The following EEF1AKMT2 variants were observed in gnomAD, a reference collection of about 807,000 sequenced individuals.
The protein encoded by EEF1AKMT2 is eukaryotic translation elongation factor 1 alpha lysine methyltransferase 2.
Under a neutral mutation model 35.8 loss-of-function variants are expected in EEF1AKMT2, and 32 were observed. The observed-to-expected ratio is 0.89, with a 90% confidence interval of 0.67 to 1.20. EEF1AKMT2 has a LOEUF of 1.20. Ranked by LOEUF, EEF1AKMT2 falls within the 50% of genes most tolerant of loss-of-function variation. EEF1AKMT2 has a pLI of 0.00. For missense variants in EEF1AKMT2, 330 were observed against 347.5 expected (o/e 0.95, Z 0.40); for synonymous variants, 121 against 133.7 (o/e 0.91, Z 0.65).
intron 3 of EEF1AKMT2, among the ~76,000 whole-genome samples, chr10:124,787,027 A>T (rs990082640): frequency 1.9e-4 from 28 of 151,330 alleles, no homozygotes; most frequent in African/African-American, 6.5e-4. Context: ...CTCACTGCAA[A>T]CTCCACCTCC....
At chr10:124,785,522 G>A (rs1037792052) in intron 3 of EEF1AKMT2, among the ~76,000 whole-genome samples, 3 of 152,088 alleles carry the variant, frequency 2.0e-5, no homozygotes, top group Non-Finnish European at 2.9e-5. Context: ...TCCAGAATAC[G>A]TTAAAAATTG....
Position 124,774,691 on chromosome 10 carries a change from G to A in EEF1AKMT2, c.383C>T (p.Ser128Phe), listed in dbSNP as rs1178550766. Residue 128 changes from serine (S) to phenylalanine (F), a missense_variant, in exon 4 of 7, where the codon TCT becomes TTT. By Grantham distance (155) the Ser-to-Phe change is radical. Coordinates refer to ENST00000368836, the MANE Select transcript of EEF1AKMT2 (RefSeq NM_212554.4). The part of the protein sequence containing the change: ...SGSIIEKEGL[S>F]NIKLKVEDFL... ...AATAGTTACCTTTAACTTAATGTTA[G>A]ATAAACCTTCTTTTTCTATAATACT... The A allele has an allele frequency of 7.0e-7, 1 of 1,434,190 alleles. No individual in the cohort carries two copies. The highest frequency in any genetic ancestry group is 2.6e-5 in the East Asian group (1 of 38,822). The allele number at this position is 1,434,190 out of a possible 1,614,324, so 88.8% of individuals were successfully genotyped here. A position where few individuals can be genotyped will look rare whatever the true frequency, so the allele number is the denominator to read the frequency against.
At chr10:124,787,536 A>G (rs1461839874) in intron 3 of EEF1AKMT2, among the ~76,000 whole-genome samples, 1 of 151,626 alleles carries the variant, frequency 6.6e-6, no homozygotes, top group Non-Finnish European at 1.5e-5. Context: ...ATCTGATGTT[A>G]AAACTCATCT....
intron 3 of EEF1AKMT2, among the ~76,000 whole-genome samples, chr10:124,787,190 C>T (rs1243129665): frequency 6.6e-6 from 1 of 152,092 alleles, no homozygotes; most frequent in East Asian, 1.9e-4. Context: ...CCTTGTGATC[C>T]ACCTGCCTTG....
At chr10:124,777,279 C>CAAAAAAAA (rs768724237) in intron 3 of EEF1AKMT2, among the ~76,000 whole-genome samples, 2 of 62,798 alleles carry the variant, frequency 3.2e-5, no homozygotes, top group South Asian at 5.6e-4. Context: ...AACTCTGACT[C>CAAAAAAAA]AAAAAAAAAA....
chr10:124,781,568 G>T (rs1950539770), intron 3 of EEF1AKMT2, among the ~76,000 whole-genome samples: 1 of 143,690 alleles, frequency 7.0e-6, no homozygotes, highest in African/African-American at 2.6e-5. Context: ...TCCAGCCTGG[G>T]TGACAGAGTG....
intron 3 of EEF1AKMT2, among the ~76,000 whole-genome samples, chr10:124,783,683 C>T (rs1950562128): frequency 6.6e-6 from 1 of 152,164 alleles, no homozygotes; most frequent in African/African-American, 2.4e-5. Context: ...CTCACTCTGT[C>T]ACCCAGGCTG....
intron 3 of EEF1AKMT2, among the ~76,000 whole-genome samples, chr10:124,775,914 G>A (rs1036400472): frequency 7.9e-5 from 12 of 151,416 alleles, no homozygotes; most frequent in African/African-American, 2.2e-4. Context: ...GATTCTTACC[G>A]GTTCCTTCTT....
intron 4 of EEF1AKMT2, among the ~76,000 whole-genome samples, chr10:124,768,349 C>T (rs939967988): frequency 6.6e-6 from 1 of 152,082 alleles, no homozygotes; most frequent in African/African-American, 2.4e-5. Context: ...TGGCTCATGC[C>T]CATAATCCCA....
Position 124,791,809 on chromosome 10 carries a change from C to T in EEF1AKMT2, c.25G>A (p.Gly9Ser), listed in dbSNP as rs1037602040. 1.3e-6 allele frequency: 2 copies of T among 1,586,756 alleles called. No homozygotes were observed. Among genetic ancestry groups the T allele is most frequent in the Middle Eastern group, 1.7e-4 (1 of 5,926 alleles). The change falls in exon 1 of 7, where the codon GGT becomes AGT. Residue 9 changes from glycine (G) to serine (S), a missense_variant. Gly to Ser is a moderately conservative substitution (Grantham distance 56). Coordinates refer to ENST00000368836, the MANE Select transcript of EEF1AKMT2 (RefSeq NM_212554.4). MSSGADGG[G>S]GAAVAARSDK... is the part of the protein sequence containing the mutation. ...GACCGCGCCGCCACCGCAGCGCCAC[C>T]GCCGCCGTCAGCGCCCGAGCTCATT...
intron 4 of EEF1AKMT2, among the ~76,000 whole-genome samples, chr10:124,769,177 C>T (rs945376431): frequency 2.0e-4 from 27 of 135,174 alleles, no homozygotes; most frequent in African/African-American, 7.0e-4. Flanking sequence ...GTAATAACAC[C>T]ACCGCACTCC....
intron 3 of EEF1AKMT2, among the ~76,000 whole-genome samples, chr10:124,783,550 G>A (rs760284416): frequency 1.2e-4 from 19 of 152,214 alleles, no homozygotes; most frequent in Non-Finnish European, 2.2e-4. Context: ...TAAACTTACC[G>A]AGTATGCTTA....
intron 3 of EEF1AKMT2, among the ~76,000 whole-genome samples, chr10:124,783,137 CTTTTTTTTTTTT>C (rs34632746): frequency 1.2e-5 from 1 of 85,030 alleles, no homozygotes; most frequent in Non-Finnish European, 2.3e-5. Flanking sequence ...AGGGAAAAAC[CTTTTTTTTTTTT>C]TTTTTTTTTG....
rs921934156 is a variant in EEF1AKMT2, at chr10:124,760,363, C to T, written c.*140G>A. The T allele has an allele frequency of 5.3e-6, 7 of 1,314,966 alleles. No individual in the cohort carries two copies. The highest frequency in any genetic ancestry group is 2.4e-5 in the East Asian group (1 of 42,128). The allele number at this position is 1,314,966 out of a possible 1,614,324, so 81.5% of individuals were successfully genotyped here. On this transcript the variant is annotated 3_prime_UTR_variant, in exon 7 of 7. Coordinates refer to ENST00000368836, the MANE Select transcript of EEF1AKMT2 (RefSeq NM_212554.4). Reference sequence around the variant, plus strand: ...GATTTTCTGTGTCAGGTTAACTTTGCTGTGTAGATTCTGTGTAGCTACCTG... The same window carrying T: ...GATTTTCTGTGTCAGGTTAACTTTGTTGTGTAGATTCTGTGTAGCTACCTG...
intron 4 of EEF1AKMT2, among the ~76,000 whole-genome samples, chr10:124,774,441 T>C (rs1950471201): frequency 7.4e-6 from 1 of 134,294 alleles, no homozygotes; most frequent in Non-Finnish European, 1.6e-5. Flanking sequence ...CATAGTTAAG[T>C]ATTATGTGTA....
intron 3 of EEF1AKMT2, among the ~76,000 whole-genome samples, chr10:124,781,618 C>CAAAAA (rs34232151): frequency 9.9e-6 from 1 of 100,980 alleles, no homozygotes; most frequent in Non-Finnish European, 1.9e-5. Context: ...TATATTCAGC[C>CAAAAA]AAAAAAAAAA....
intron 3 of EEF1AKMT2, among the ~76,000 whole-genome samples, chr10:124,779,461 T>A (rs1214002103): frequency 6.7e-6 from 1 of 149,850 alleles, no homozygotes; most frequent in Admixed American, 6.7e-5. Flanking sequence ...AGAAACAGAA[T>A]AGTGGCTGGG....
chr10:124,762,156 C>CG (rs1399158248), intron 6 of EEF1AKMT2, 144 bp downstream of exon 6: 10 of 503,368 alleles, frequency 2.0e-5, no homozygotes, highest in South Asian at 6.0e-5. Context: ...AAGCTACTAA[C>CG]GCCAATGCGC....
intron 3 of EEF1AKMT2, among the ~76,000 whole-genome samples, chr10:124,779,646 G>A (rs1405718696): frequency 7.0e-6 from 1 of 143,674 alleles, no homozygotes; most frequent in Non-Finnish European, 1.5e-5. Context: ...TACTCAGGAG[G>A]CTGAGGCAGG....
Sources: allele counts gnomAD v4.1 joint callset (sites outside exome capture counted in the v4.1 genomes callset), GRCh38; gene constraint gnomAD v4.1.1; transcripts MANE v1.5; gene names NCBI Gene and HGNC (gene_info 2026-07-23, HGNC 2026-07-21).